RNF185: variants seen among roughly 807,000 people sequenced by gnomAD.
RNF185 encodes ring finger protein 185, also known as E3 ubiquitin-protein ligase RNF185.
A neutral mutation model predicts 24.9 loss-of-function variants in RNF185; 13 were observed. The observed-to-expected ratio is 0.52, with a 90% CI of 0.34 to 0.83. RNF185 has a LOEUF of 0.83. Ranked by LOEUF, RNF185 falls within the 40% of genes least tolerant of loss-of-function variation. The pLI is 0.01. For missense variants in RNF185, 184 were observed against 244.7 expected (o/e 0.75, Z 1.65); for synonymous variants, 79 against 90.3 (o/e 0.88, Z 0.71).
At chr22:31,187,797 T>G (rs1040729388) in intron 2 of RNF185, among the ~76,000 whole-genome samples, 3 of 152,232 alleles carry the variant, frequency 2.0e-5, no homozygotes, top group Non-Finnish European at 2.9e-5. Flanking sequence ...TATGTTTATA[T>G]ATAGATAGAT....
rs571166513 is a variant in RNF185 at position 31,199,073 on chromosome 22, C to A, written c.363+2083C>A. On this transcript the variant is annotated intron_variant, in intron 5 of 6. Coordinates refer to ENST00000326132, the MANE Select transcript of RNF185 (RefSeq NM_152267.4). ...TGAGATCACACCACTGCACTCCAGC[C>A]TTGGCGACAGAGCAAGACTCTGTCT... Among the ~76,000 whole-genome samples the A allele has an allele frequency of 3.0e-4, 45 of 148,240 alleles. No individual in the cohort carries two copies. In the South Asian group the frequency reaches 9.9e-3, roughly 33 times the overall value.
chr22:31,185,335 C>T (rs1012505138), intron 1 of RNF185, among the ~76,000 whole-genome samples: 1 of 152,158 alleles, frequency 6.6e-6, no homozygotes, highest in African/African-American at 2.4e-5. Flanking sequence ...CGTGTGAAGG[C>T]AGGAAGCTTT....
At chr22:31,195,390 T>C in intron 3 of RNF185, 79 bp from the exon 4 acceptor site, 2 of 895,764 alleles carry the variant, frequency 2.2e-6, no homozygotes, top group South Asian at 3.2e-5. Flanking sequence ...GCCTCTGGCC[T>C]GTGTTGTTCT....
At chr22:31,185,075 C>CA (rs145388733) in intron 1 of RNF185, among the ~76,000 whole-genome samples, 12,877 of 151,208 alleles carry the variant, frequency 0.085, 829 homozygotes, top group East Asian at 0.4. Context: ...ATGTGGCCCT[C>CA]AAAAGTGGGT....
intron 6 of RNF185, 47 bp from the exon 7 acceptor site, chr22:31,204,442 T>C: frequency 8.2e-7 from 1 of 1,222,080 alleles, no homozygotes; most frequent in Non-Finnish European, 1.2e-6. Context: ...GCAGTGTGCA[T>C]AGCTGCAGTG....
intron 5 of RNF185, among the ~76,000 whole-genome samples, chr22:31,197,393 T>C (rs1420496552): frequency 6.6e-6 from 1 of 152,218 alleles, no homozygotes; most frequent in Non-Finnish European, 1.5e-5. Flanking sequence ...TTTAGTATTA[T>C]CTTGAGATTT....
At chr22:31,175,450 C>CT (rs1231989665) in intron 1 of RNF185, among the ~76,000 whole-genome samples, 1 of 143,086 alleles carries the variant, frequency 7.0e-6, no homozygotes, top group Non-Finnish European at 1.5e-5. Flanking sequence ...GTGAAACTGT[C>CT]TCAAAAAAAA....
chr22:31,187,141 G>C lies in RNF185; in HGVS notation c.47G>C (p.Ser16Thr), dbSNP rs368401569. The C allele has an allele frequency of 6.2e-7, 1 of 1,613,474 alleles. No individual in the cohort carries two copies. Among genetic ancestry groups the C allele is most frequent in the African/African-American group, 1.3e-5 (1 of 74,918 alleles). Residue 16 changes from serine (S) to threonine (T), a missense_variant, in exon 2 of 7, where the codon AGT becomes ACT. Ser to Thr is a moderately conservative substitution (Grantham distance 58). Coordinates refer to ENST00000326132, the MANE Select transcript of RNF185 (RefSeq NM_152267.4). ...GCCTCTGCATCTCCTGAGAACTCCA[G>C]TGCAGGGGGGCCCAGTGGGAGCAGC... ...PSASASPENS[S>T]AGGPSGSSNG...
chr22:31,187,446 G>C (rs947157481), intron 2 of RNF185, among the ~76,000 whole-genome samples, 176 bp downstream of exon 2: 1 of 152,170 alleles, frequency 6.6e-6, no homozygotes, highest in Non-Finnish European at 1.5e-5. Context: ...ATGACCTTGG[G>C]CAAATCCTGT....
At chr22:31,179,310 A>G (rs2048012239) in intron 1 of RNF185, among the ~76,000 whole-genome samples, 1 of 152,116 alleles carries the variant, frequency 6.6e-6, no homozygotes, top group Admixed American at 6.6e-5. Flanking sequence ...GTAGACCCAT[A>G]TGGTTCTGTA....
In RNF185 at chr22:31,179,376, G is replaced by T. The variant is rs74608149; in HGVS notation, c.-48-7671G>T. Among the ~76,000 whole-genome samples the T allele has an allele frequency of 4.0e-3, 607 of 152,284 alleles. 1 individual carries two copies. Among genetic ancestry groups the T allele is most frequent in the African/African-American group, 0.013 (558 of 41,560 alleles). ...TGCTGATTTCTGCCATGCCACCTTG[G>T]TGTACTGAGATTCCTGTGCATAGGT... On this transcript the variant is annotated intron_variant, in intron 1 of 6. Coordinates refer to ENST00000326132, the MANE Select transcript of RNF185 (RefSeq NM_152267.4).
At chr22:31,171,314 C>T (rs997938465) in intron 1 of RNF185, among the ~76,000 whole-genome samples, 8 of 151,684 alleles carry the variant, frequency 5.3e-5, no homozygotes, top group African/African-American at 1.9e-4. Flanking sequence ...GGATTACAGG[C>T]GCCCACCACT....
At chr22:31,167,024 T>C (rs1923965788) in intron 1 of RNF185, among the ~76,000 whole-genome samples, 1 of 152,196 alleles carries the variant, frequency 6.6e-6, no homozygotes, top group Admixed American at 6.5e-5. Flanking sequence ...AGTCTTACTA[T>C]GTAGACGTAA....
At chr22:31,169,811 G>T (rs1924166038) in intron 1 of RNF185, among the ~76,000 whole-genome samples, 1 of 152,136 alleles carries the variant, frequency 6.6e-6, no homozygotes, top group African/African-American at 2.4e-5. Context: ...ACCTTCCAAA[G>T]TGCTGGGATT....
intron 4 of RNF185, 149 bp from the exon 5 acceptor site, chr22:31,196,787 G>A (rs748475118): frequency 2.0e-4 from 199 of 995,524 alleles, no homozygotes; most frequent in Non-Finnish European, 2.5e-4. Context: ...TGAAGAGTTC[G>A]TATTTGGAGA....
At chr22:31,167,878 G>A (rs1016692352) in intron 1 of RNF185, among the ~76,000 whole-genome samples, 1 of 152,092 alleles carries the variant, frequency 6.6e-6, no homozygotes, top group Non-Finnish European at 1.5e-5. Flanking sequence ...TTCCCAGAGT[G>A]CTGGGATTAT....
intron 1 of RNF185, among the ~76,000 whole-genome samples, chr22:31,178,970 T>C (rs558626694): frequency 6.6e-6 from 1 of 152,342 alleles, no homozygotes; most frequent in South Asian, 2.1e-4. Flanking sequence ...CGTGGTGTCC[T>C]GGCCTTAGGC....
chr22:31,202,836 G>A (rs1233480495), intron 6 of RNF185, among the ~76,000 whole-genome samples: 2 of 152,000 alleles, frequency 1.3e-5, no homozygotes, highest in Admixed American at 6.6e-5. Context: ...GGATGGTCTC[G>A]ATCTCCTGAC....
In RNF185 at chr22:31,195,495, G is replaced by C. The variant is rs144268423; in HGVS notation, c.222G>C (p.Gln74His). ...HQWLETRPNR[Q>H]VCPVCKAGIS... The stretch of plus-strand genomic sequence containing the variant: ...GGTTGGAGACCAGACCTAACAGACA[G>C]GTGTGTCCTGTTTGCAAAGCTGGCA... Residue 74 changes from glutamine to histidine, a missense_variant, in exon 4 of 7, where the codon CAG (glutamine) becomes CAC (histidine). By Grantham distance (24) the Gln-to-His change is conservative. Coordinates refer to ENST00000326132, the MANE Select transcript of RNF185 (RefSeq NM_152267.4). 2 of 1,609,180 alleles carry C rather than the reference G, an allele frequency of 1.2e-6. No homozygotes were observed. The highest frequency in any genetic ancestry group is 1.7e-6 in the Non-Finnish European group (2 of 1,177,984).
Sources: allele counts gnomAD v4.1 joint callset (sites outside exome capture counted in the v4.1 genomes callset), GRCh38; gene constraint gnomAD v4.1.1; transcripts MANE v1.5; gene names NCBI Gene and HGNC (gene_info 2026-07-23, HGNC 2026-07-21).